Variants in JARID2 observed in about 807,000 individuals in gnomAD.
The protein encoded by JARID2 is jumonji and AT-rich interaction domain containing 2, also known as protein Jumonji.
In JARID2, 21 loss-of-function variants were observed where a neutral mutation model predicts 125.6. The ratio of observed to expected loss-of-function variants is 0.17; its 90% CI spans 0.12 to 0.24. The LOEUF (loss-of-function observed/expected upper bound fraction) is 0.24, where lower values mean the gene tolerates loss of function less well. JARID2 is among the 10% of genes least tolerant of loss of function. The probability of loss-of-function intolerance (pLI) is 1.00; values close to 1 mark genes in which losing one functional copy is unlikely to be tolerated. For missense variants in JARID2, 1,303 were observed against 1,639.6 expected (o/e 0.79, Z 3.55); for synonymous variants, 736 against 661.6 (o/e 1.11, Z -1.73).
intron 1 of JARID2, among the ~76,000 whole-genome samples, chr6:15,316,897 A>G (rs794793): frequency 0.21 from 31,995 of 152,096 alleles, 3,569 homozygotes; most frequent in African/African-American, 0.3. Context: ...TCAGCTCTCT[A>G]TGGAATGACC....
rs892381932 is a variant in JARID2 at position 15,381,023 on chromosome 6, TTTA to T, written c.181+6780_181+6782del. Reference sequence around the variant, plus strand: ...GATGGTGCCTACTTTATCATTATCATTTATTATTATTTATTATTATTATTTTCT... The same window carrying T: ...GATGGTGCCTACTTTATCATTATCATTTATTATTTATTATTATTATTTTCT... On this transcript the variant is annotated intron_variant, in intron 2 of 17. Transcript: ENST00000341776. 4.2e-3 allele frequency among the ~76,000 whole-genome samples: 641 copies of T among 151,962 alleles called. 4 individuals carry two copies. Among genetic ancestry groups the T allele is most frequent in the African/African-American group, 0.015 (605 of 41,474 alleles).
Position 15,520,283 on chromosome 6 carries a change from A to G in JARID2, c.*32A>G, listed in dbSNP as rs199748930. On this transcript the variant is annotated 3_prime_UTR_variant, in exon 18 of 18. Transcript: ENST00000341776. ...CAACGCCCGTGGTCGATTTATATAT[A>G]TTTTTTTGTAATTATTATATTCTAG... The G allele has an allele frequency of 6.7e-7, 1 of 1,500,654 alleles. No individual in the cohort carries two copies. Among genetic ancestry groups the G allele is most frequent in the African/African-American group, 1.4e-5 (1 of 70,054 alleles). The allele number at this position is 1,500,654 out of a possible 1,614,324, so 93.0% of individuals were successfully genotyped here.
intron 1 of JARID2, among the ~76,000 whole-genome samples, chr6:15,284,514 T>G (rs1760917285): frequency 1.4e-5 from 2 of 146,922 alleles, no homozygotes; most frequent in African/African-American, 4.9e-5. Context: ...TATAATCCTT[T>G]TTTTTTTTTT....
Position 15,246,344 on chromosome 6 carries a change from CTTT to C in JARID2, c.-189_-187del. The stretch of plus-strand genomic sequence containing the variant: ...TTGTTTGCTTCGTTCGTCTTTGGCT[CTTT>C]TTTTTTCCTTCCCAATTTCGGATTT... On this transcript the variant is annotated 5_prime_UTR_variant, in exon 1 of 18. Coordinates refer to ENST00000341776, the MANE Select transcript of JARID2 (RefSeq NM_004973.4). 1.8e-6 allele frequency: 1 copy of C among 563,730 alleles called. No individual in the cohort carries two copies. Among genetic ancestry groups the C allele is most frequent in the Non-Finnish European group, 3.1e-6 (1 of 320,612 alleles). 34.9% of individuals were successfully genotyped at this position (563,730 alleles called of 1,614,324 possible).
intron 2 of JARID2, among the ~76,000 whole-genome samples, chr6:15,400,016 T>C (rs1321224596): frequency 6.6e-6 from 1 of 152,264 alleles, no homozygotes; most frequent in African/African-American, 2.4e-5. Flanking sequence ...TCCAGTTGTC[T>C]GAGGCCAGGG....
At chr6:15,331,965 T>G (rs538435724) in intron 1 of JARID2, among the ~76,000 whole-genome samples, 1 of 152,204 alleles carries the variant, frequency 6.6e-6, no homozygotes, top group Non-Finnish European at 1.5e-5. Flanking sequence ...CCTTCCGGAC[T>G]GTATTGTTCT....
At chr6:15,397,726 A>G (rs918048250) in intron 2 of JARID2, among the ~76,000 whole-genome samples, 1 of 152,180 alleles carries the variant, frequency 6.6e-6, no homozygotes, top group Non-Finnish European at 1.5e-5. Context: ...TGCTTTGGAA[A>G]CTGATTTGCC....
intron 1 of JARID2, among the ~76,000 whole-genome samples, chr6:15,321,340 A>G (rs1483446862): frequency 6.6e-6 from 1 of 152,242 alleles, no homozygotes; most frequent in Non-Finnish European, 1.5e-5. Flanking sequence ...AACTAAGGCT[A>G]ACTATGAACT....
chr6:15,451,890 G>A (rs993648193), intron 3 of JARID2, 116 bp from the exon 4 acceptor site: 5 of 999,046 alleles, frequency 5.0e-6, no homozygotes, highest in Non-Finnish European at 5.7e-6. Context: ...ATTAGGAAGA[G>A]TTTGCTTGAA....
chr6:15,490,889 G>T (rs1420029978), intron 6 of JARID2, among the ~76,000 whole-genome samples: 1 of 152,242 alleles, frequency 6.6e-6, no homozygotes, highest in African/African-American at 2.4e-5. Flanking sequence ...TATTGAACCA[G>T]ATGTGGCCAC....
intron 5 of JARID2, among the ~76,000 whole-genome samples, chr6:15,477,410 T>C (rs1769396436): frequency 1.3e-5 from 2 of 151,928 alleles, no homozygotes; most frequent in South Asian, 4.2e-4. Flanking sequence ...ACATGTGATA[T>C]TCTCTTTACC....
At chr6:15,473,355 G>T (rs567846710) in intron 5 of JARID2, among the ~76,000 whole-genome samples, 1 of 152,262 alleles carries the variant, frequency 6.6e-6, no homozygotes, top group East Asian at 1.9e-4. Context: ...GGGAGATGAT[G>T]TCTCCTGGCA....
At chr6:15,476,789 AAC>A (rs1769360282) in intron 5 of JARID2, among the ~76,000 whole-genome samples, 1 of 152,244 alleles carries the variant, frequency 6.6e-6, no homozygotes, top group African/African-American at 2.4e-5. Flanking sequence ...GAAACCAAAT[AAC>A]ACAATCAGAA....
At chr6:15,408,466 C>A (rs1451475584) in intron 2 of JARID2, among the ~76,000 whole-genome samples, 3 of 152,062 alleles carry the variant, frequency 2.0e-5, no homozygotes, top group Non-Finnish European at 4.4e-5. Flanking sequence ...CGTCTGTATC[C>A]TAATTGGGTG....
chr6:15,389,306 C>T (rs1346298256), intron 2 of JARID2, among the ~76,000 whole-genome samples: 3 of 152,270 alleles, frequency 2.0e-5, no homozygotes, highest in East Asian at 1.9e-4. Context: ...ACTATAGGCA[C>T]GTGTCACCGC....
chr6:15,361,140 G>A (rs910514315), intron 1 of JARID2, among the ~76,000 whole-genome samples: 1 of 152,068 alleles, frequency 6.6e-6, no homozygotes, highest in African/African-American at 2.4e-5. Context: ...GGATGTATTC[G>A]ACTCCCTTTT....
intron 2 of JARID2, among the ~76,000 whole-genome samples, chr6:15,375,678 C>T (rs913806170): frequency 2.0e-5 from 3 of 152,108 alleles, no homozygotes; most frequent in Admixed American, 1.3e-4. Flanking sequence ...TGATATAGAT[C>T]GTGTTTATTG....
At chr6:15,365,542 C>T (rs778429213) in intron 1 of JARID2, among the ~76,000 whole-genome samples, 4 of 151,880 alleles carry the variant, frequency 2.6e-5, no homozygotes, top group Admixed American at 1.3e-4. Flanking sequence ...AGTTGGTGGC[C>T]GGAGATTCAG....
At chr6:15,499,305 G>A (rs1181947081) in intron 7 of JARID2, among the ~76,000 whole-genome samples, 1 of 152,200 alleles carries the variant, frequency 6.6e-6, no homozygotes. Context: ...GTCCCAGGGA[G>A]CCGCCGTGCC....
Sources: allele counts gnomAD v4.1 joint callset (sites outside exome capture counted in the v4.1 genomes callset), GRCh38; gene constraint gnomAD v4.1.1; transcripts MANE v1.5; gene names NCBI Gene and HGNC (gene_info 2026-07-23, HGNC 2026-07-21).